Variants in LINGO2 observed in about 807,000 individuals in gnomAD.
The protein encoded by LINGO2 is leucine-rich repeat and immunoglobulin-like domain-containing nogo receptor-interacting protein 2.
A neutral mutation model predicts 30.6 loss-of-function variants in LINGO2; 14 were observed. The observed-to-expected ratio is 0.46, with a 90% CI of 0.30 to 0.72. LINGO2 has a LOEUF of 0.72. LINGO2 is among the 30% of genes least tolerant of loss of function. The pLI is 0.07. For missense variants in LINGO2, 729 were observed against 751.7 expected (o/e 0.97, Z 0.35); for synonymous variants, 317 against 288.5 (o/e 1.10, Z -1.00).
chr9:29,167,931 T>C, the LINGO2 span, among the ~76,000 whole-genome samples: 1 of 152,156 alleles, frequency 6.6e-6, no homozygotes. Context: ...CCACAGTCGT[T>C]AGCTACTCCC....
At chr9:28,913,839 T>C in the LINGO2 span, among the ~76,000 whole-genome samples, 1 of 152,166 alleles carries the variant, frequency 6.6e-6, no homozygotes, top group Non-Finnish European at 1.5e-5. Flanking sequence ...CATGACCAAG[T>C]AATACGTTAT....
At chr9:28,199,462 C>A (rs969730710) in intron 4 of LINGO2, among the ~76,000 whole-genome samples, 6 of 151,904 alleles carry the variant, frequency 3.9e-5, no homozygotes, top group Admixed American at 2.0e-4. Context: ...CCTCAGCCTC[C>A]CGAGTAGCTG....
At chr9:27,999,471 A>AGAGT (rs1554652630) in intron 5 of LINGO2, among the ~76,000 whole-genome samples, 2 of 146,084 alleles carry the variant, frequency 1.4e-5, no homozygotes, top group South Asian at 4.3e-4. Flanking sequence ...AGAGAGAGAG[A>AGAGT]GTCTGTGTGA....
At chr9:29,066,933 TAGCAATG>T in the LINGO2 span, among the ~76,000 whole-genome samples, 1 of 151,862 alleles carries the variant, frequency 6.6e-6, no homozygotes, top group Non-Finnish European at 1.5e-5. Context: ...AATACTCACA[TAGCAATG>T]AGCAAAACTA....
At chr9:28,982,847 T>C in the LINGO2 span, among the ~76,000 whole-genome samples, 559 of 152,146 alleles carry the variant, frequency 3.7e-3, 2 homozygotes, top group African/African-American at 0.013. Context: ...CAATAATATA[T>C]AACTAAGCTT....
the LINGO2 span, among the ~76,000 whole-genome samples, chr9:29,186,411 A>G: frequency 6.6e-6 from 1 of 152,140 alleles, no homozygotes; most frequent in Admixed American, 6.6e-5. Flanking sequence ...GGTTCGGGTC[A>G]CATATATAGA....
chr9:28,843,117 C>A, the LINGO2 span, among the ~76,000 whole-genome samples: 2 of 151,796 alleles, frequency 1.3e-5, no homozygotes, highest in South Asian at 4.1e-4. Flanking sequence ...TCTTGAAGTC[C>A]TATGAATATC....
chr9:28,802,476 G>T, the LINGO2 span, among the ~76,000 whole-genome samples: 1 of 151,868 alleles, frequency 6.6e-6, no homozygotes, highest in Non-Finnish European at 1.5e-5. Context: ...CAACCAGCTT[G>T]CATTTTTCAC....
chr9:28,716,337 T>C, the LINGO2 span, among the ~76,000 whole-genome samples: 982 of 151,974 alleles, frequency 6.5e-3, 24 homozygotes, highest in East Asian at 0.037. Flanking sequence ...ATGGAGTATG[T>C]GAAAGAAAGA....
chr9:28,974,924 A>G, the LINGO2 span, among the ~76,000 whole-genome samples: 3 of 152,156 alleles, frequency 2.0e-5, no homozygotes, highest in African/African-American at 7.2e-5. Flanking sequence ...TCATTGGACA[A>G]GTCAGAATTT....
At chr9:29,009,453 A>C in the LINGO2 span, among the ~76,000 whole-genome samples, 975 of 152,202 alleles carry the variant, frequency 6.4e-3, 7 homozygotes, top group South Asian at 0.022. Flanking sequence ...GAATAAAATA[A>C]CTAGGAATCC....
At chr9:28,770,662 T>C in the LINGO2 span, among the ~76,000 whole-genome samples, 1 of 152,204 alleles carries the variant, frequency 6.6e-6, no homozygotes, top group African/African-American at 2.4e-5. Context: ...AAGAAAATTC[T>C]CTATAAACTA....
the LINGO2 span, among the ~76,000 whole-genome samples, chr9:28,744,611 TGTGTGTG>T: frequency 7.5e-6 from 1 of 134,034 alleles, no homozygotes; most frequent in East Asian, 2.3e-4. Flanking sequence ...ATTCCCCTCG[TGTGTGTG>T]TGTGTGTGTG....
chr9:29,106,575 G>A, the LINGO2 span, among the ~76,000 whole-genome samples: 1 of 152,096 alleles, frequency 6.6e-6, no homozygotes, highest in Admixed American at 6.6e-5. Flanking sequence ...ACACTGTCAA[G>A]CACCTCTCAG....
chr9:28,280,579 T>TTTA (rs1823285221), intron 4 of LINGO2, among the ~76,000 whole-genome samples: 1 of 152,138 alleles, frequency 6.6e-6, no homozygotes, highest in Non-Finnish European at 1.5e-5. Flanking sequence ...TTTAAGACAA[T>TTTA]GTCCTTTTAC....
At chr9:28,783,005 G>A in the LINGO2 span, among the ~76,000 whole-genome samples, 1 of 152,180 alleles carries the variant, frequency 6.6e-6, no homozygotes, top group Non-Finnish European at 1.5e-5. Flanking sequence ...TAAGGATTAT[G>A]TATCTATACA....
chr9:27,948,934 C>T (rs1823478816), exon 6 of LINGO2: 1 of 1,613,954 alleles, frequency 6.2e-7, no homozygotes, highest in Admixed American at 1.7e-5. Flanking sequence ...GGCACATACT[C>T]AAGGTCAATG....
chr9:28,773,129 G>A, the LINGO2 span, among the ~76,000 whole-genome samples: 1 of 152,114 alleles, frequency 6.6e-6, no homozygotes, highest in Non-Finnish European at 1.5e-5. Context: ...ACTCTGGGAG[G>A]CTGAGACGGG....
intron 4 of LINGO2, among the ~76,000 whole-genome samples, chr9:28,269,226 T>A (rs931989862): frequency 6.6e-6 from 1 of 152,120 alleles, no homozygotes; most frequent in Admixed American, 6.6e-5. Context: ...CATCTGCCTC[T>A]TGATTTAACT....
Sources: gnomAD v4.1 joint callset for allele counts (sites outside exome capture counted in the v4.1 genomes callset) on GRCh38, gnomAD v4.1.1 for gene constraint, MANE v1.5 for transcripts, NCBI Gene and HGNC (gene_info 2026-07-23, HGNC 2026-07-21) for gene names.